NUP160: variants seen among roughly 807,000 people sequenced by gnomAD.
NUP160 encodes the protein nucleoporin 160.
A neutral mutation model predicts 196.9 loss-of-function variants in NUP160; 94 were observed. The ratio of observed to expected loss-of-function variants is 0.48; its 90% CI spans 0.40 to 0.57. The LOEUF is 0.57. NUP160 is among the 20% of genes least tolerant of loss of function. The pLI is 0.00. For synonymous variants in NUP160, 605 were observed against 619.7 expected (o/e 0.98, Z 0.35); for missense variants, 1,638 against 1,748.3 (o/e 0.94, Z 1.13).
intron 7 of NUP160, among the ~76,000 whole-genome samples, chr11:47,829,791 T>A (rs757668288): frequency 6.6e-6 from 1 of 152,058 alleles, no homozygotes; most frequent in Non-Finnish European, 1.5e-5. Context: ...GGCAATACCA[T>A]CCTGAACATA....
At chr11:47,780,276 C>G in intron 35 of NUP160, 67 bp downstream of exon 35, 1 of 1,115,570 alleles carries the variant, frequency 9.0e-7, no homozygotes, top group East Asian at 2.4e-5. Flanking sequence ...AACTGAAGAT[C>G]AAGCTGTAAG....
intron 2 of NUP160, 58 bp from the exon 3 acceptor site, chr11:47,840,646 CTGAA>C: frequency 7.5e-7 from 1 of 1,339,758 alleles, no homozygotes; most frequent in Non-Finnish European, 1.0e-6. Flanking sequence ...GACTGTTCTA[CTGAA>C]ATATATGAGA....
intron 7 of NUP160, among the ~76,000 whole-genome samples, chr11:47,830,304 A>G (rs1027750098): frequency 1.3e-5 from 2 of 152,208 alleles, no homozygotes; most frequent in Non-Finnish European, 2.9e-5. Flanking sequence ...CAGTGTGGTG[A>G]TTCCTCTAAG....
At chr11:47,839,863 A>G in exon 4 of NUP160, 1 of 1,613,614 alleles carries the variant, frequency 6.2e-7, no homozygotes, top group Non-Finnish European at 8.5e-7. Flanking sequence ...ATAAGGAGGT[A>G]GCTTAAGAAC....
chr11:47,809,620 C>T (rs2097679872), intron 17 of NUP160, among the ~76,000 whole-genome samples: 1 of 150,134 alleles, frequency 6.7e-6, no homozygotes, highest in Non-Finnish European at 1.5e-5. Flanking sequence ...TAGTGGTGCG[C>T]ATCTGTAATC....
chr11:47,803,645 T>C lies in NUP160; in HGVS notation c.2677-109A>G, dbSNP rs2097675718. 4.4e-6 allele frequency: 3 copies of C among 685,630 alleles called. No individual in the cohort carries two copies. The South Asian group carries it at 5.2e-5, about 12-fold the overall frequency. The allele number at this position is 685,630 out of a possible 1,614,324, so 42.5% of individuals were successfully genotyped here. Reference sequence around the variant, plus strand: ...GATGAAAAGACAGTGTTTGAACAAATGTTTTATTTCCTGACATAATTCTGA... The same window carrying C: ...GATGAAAAGACAGTGTTTGAACAAACGTTTTATTTCCTGACATAATTCTGA... On this transcript the variant is annotated intron_variant, in intron 21 of 35. Coordinates refer to ENST00000378460, the Ensembl canonical transcript of NUP160.
chr11:47,848,452 G>C (rs1852452848), exon 1 of NUP160: 9 of 1,478,298 alleles, frequency 6.1e-6, no homozygotes, highest in Non-Finnish European at 8.1e-6. Flanking sequence ...CCGGCCCTTC[G>C]TTGCGAGGCT....
chr11:47,847,621 G>A (rs927474689), intron 2 of NUP160, among the ~76,000 whole-genome samples: 1 of 117,994 alleles, frequency 8.5e-6, no homozygotes, highest in Non-Finnish European at 1.7e-5. Flanking sequence ...TGCTTCTGGT[G>A]TTGCTTGGTG....
At chr11:47,838,561 A>G (rs559893352) in intron 4 of NUP160, among the ~76,000 whole-genome samples, 1 of 152,142 alleles carries the variant, frequency 6.6e-6, no homozygotes, top group East Asian at 1.9e-4. Flanking sequence ...TTCAAAAATT[A>G]GCCAGGTGTG....
At chr11:47,799,145 G>C (rs1394970150) in intron 23 of NUP160, among the ~76,000 whole-genome samples, 1 of 151,912 alleles carries the variant, frequency 6.6e-6, no homozygotes, top group Non-Finnish European at 1.5e-5. Context: ...GAGCACAATG[G>C]TGTGATCTCG....
At chr11:47,818,233 T>A in intron 10 of NUP160, 109 bp from the exon 11 acceptor site, 1 of 702,190 alleles carries the variant, frequency 1.4e-6, no homozygotes, top group Non-Finnish European at 2.6e-6. Context: ...CATTTTGCCC[T>A]TCTATATGTG....
intron 17 of NUP160, among the ~76,000 whole-genome samples, chr11:47,810,086 G>C (rs1182676212): frequency 6.6e-6 from 1 of 151,964 alleles, no homozygotes; most frequent in Non-Finnish European, 1.5e-5. Flanking sequence ...TGAAAAAAAT[G>C]GAAGAATCTA....
rs1851921031 is a variant in NUP160 at position 47,824,056 on chromosome 11, C to CAT, written c.1102-1893_1102-1892insAT. Among the ~76,000 whole-genome samples the CAT allele has an allele frequency of 5.7e-5, 7 of 121,826 alleles. No homozygotes were observed. In the South Asian group the frequency reaches 1.3e-3, roughly 23 times the overall value. The allele number at this position is 121,826 out of a possible 152,430, so 79.9% of individuals were successfully genotyped here. ...ATATATATATATATATATATATACA[C>CAT]ACACACATAGAAGTGGAATTTCTGG... On this transcript the variant is annotated intron_variant, in intron 7 of 35. Coordinates refer to ENST00000378460, the Ensembl canonical transcript of NUP160.
At chr11:47,779,329 AT>A in intron 35 of NUP160, 135 bp from the exon 36 acceptor site, 1 of 607,766 alleles carries the variant, frequency 1.6e-6, no homozygotes, top group Non-Finnish European at 2.9e-6. Flanking sequence ...TAAAATCACC[AT>A]TTGTTATAGG....
intron 10 of NUP160, among the ~76,000 whole-genome samples, chr11:47,818,991 T>A (rs1350390471): frequency 6.6e-6 from 1 of 152,060 alleles, no homozygotes; most frequent in Non-Finnish European, 1.5e-5. Context: ...TGAAAGCTTT[T>A]TTATTTATCC....
chr11:47,830,603 G>C (rs1852054195), intron 7 of NUP160, among the ~76,000 whole-genome samples: 1 of 152,132 alleles, frequency 6.6e-6, no homozygotes, highest in Non-Finnish European at 1.5e-5. Context: ...AAATAATGCA[G>C]GAACAGAAAA....
In NUP160 at chr11:47,815,654, C is replaced by T. The variant is rs375878829; in HGVS notation, c.1516-5G>A. 1 of 1,571,024 alleles carries T rather than the reference C, an allele frequency of 6.4e-7. No homozygotes were observed. The highest frequency in any genetic ancestry group is 8.6e-7 in the Non-Finnish European group (1 of 1,164,712). ...CTCTGTTACACTTCCTTGAAGCTGG[C>T]AAAGAAGAAATGAAAGAAATTAAAC... On this transcript the variant is annotated splice_polypyrimidine_tract_variant and splice_region_variant and intron_variant, in intron 12 of 35. Coordinates refer to ENST00000378460, the Ensembl canonical transcript of NUP160.
intron 27 of NUP160, among the ~76,000 whole-genome samples, chr11:47,794,900 G>A (rs937172428): frequency 2.0e-5 from 3 of 151,936 alleles, no homozygotes; most frequent in Non-Finnish European, 2.9e-5. Context: ...ACGACAGAGC[G>A]GGACTCTGTC....
chr11:47,844,366 C>T (rs1336648465), intron 2 of NUP160, among the ~76,000 whole-genome samples: 1 of 152,220 alleles, frequency 6.6e-6, no homozygotes. Context: ...TCATCTTACT[C>T]AGAGCAAAAG....
Sources: allele counts gnomAD v4.1 joint callset (sites outside exome capture counted in the v4.1 genomes callset), GRCh38; gene constraint gnomAD v4.1.1; transcripts MANE v1.5; gene names NCBI Gene and HGNC (gene_info 2026-07-23, HGNC 2026-07-21).